ATP11A: variants seen among roughly 807,000 people sequenced by gnomAD.
ATP11A encodes the protein ATPase phospholipid transporting 11A, also known as phospholipid-transporting ATPase IH.
In ATP11A, 81 loss-of-function variants were observed where a neutral mutation model predicts 154.4. That is an observed-to-expected ratio of 0.52 (90% confidence interval 0.44 to 0.63). The LOEUF is 0.63. ATP11A is among the 30% of genes least tolerant of loss of function. The pLI is 0.00. For synonymous variants in ATP11A, 623 were observed against 585.9 expected, an observed-to-expected ratio of 1.06 and a Z score of -0.91; for missense variants, 1,316 against 1,474.3, an observed-to-expected ratio of 0.89 and a Z score of 1.76.
At chr13:112,705,192 T>C (rs1326211162) in intron 1 of ATP11A, among the ~76,000 whole-genome samples, 1 of 152,226 alleles carries the variant, frequency 6.6e-6, no homozygotes, top group Non-Finnish European at 1.5e-5. Flanking sequence ...AAAAGAAAGC[T>C]GGAGCGACTG....
chr13:112,819,823 A>G, intron 7 of ATP11A, 77 bp from the exon 8 acceptor site: 1 of 1,489,214 alleles, frequency 6.7e-7, no homozygotes. Context: ...GGCTCACAGA[A>G]GGCAGGTGGG....
chr13:112,875,881 C>G lies in ATP11A; in HGVS notation c.3267C>G (p.Pro1089=), dbSNP rs559953781. 1.2e-6 allele frequency: 2 copies of G among 1,613,798 alleles called. No individual in the cohort carries two copies. Among genetic ancestry groups the G allele is most frequent in the Non-Finnish European group, 1.7e-6 (2 of 1,180,030 alleles). The change falls in exon 28 of 30, where the codon CCC becomes CCG. Residue 1089 remains proline (P), a synonymous_variant. Coordinates refer to ENST00000375645, the MANE Select transcript of ATP11A (RefSeq NM_015205.3). The surrounding 1 kb of genome is among the most constrained non-coding windows in gnomAD (Gnocchi z 4.1). Reference sequence around the variant, plus strand: ...TGCTGGTGACCATCAGCCTCCTTCCCGACGTCCTCAAGAAAGTCCTGTGCC... The same window carrying G: ...TGCTGGTGACCATCAGCCTCCTTCCGGACGTCCTCAAGAAAGTCCTGTGCC... The part of the protein sequence containing the change: ...IVLLVTISLL[P]DVLKKVLCRQ...
intron 25 of ATP11A, among the ~76,000 whole-genome samples, chr13:112,866,653 T>TTTTTTTTTTTTTTG (rs1555342471): frequency 6.9e-6 from 1 of 144,994 alleles, no homozygotes; most frequent in Non-Finnish European, 1.5e-5. Context: ...GGGTGACTTC[T>TTTTTTTTTTTTTTG]AAACAGAAAT....
At chr13:112,742,458 G>A (rs552902815) in intron 1 of ATP11A, among the ~76,000 whole-genome samples, 1 of 152,192 alleles carries the variant, frequency 6.6e-6, no homozygotes, top group Admixed American at 6.5e-5. Context: ...TGTGTGGGGG[G>A]ACTTATGACA....
intron 1 of ATP11A, among the ~76,000 whole-genome samples, chr13:112,725,732 C>CA (rs1206241708): frequency 7.2e-5 from 11 of 152,354 alleles, no homozygotes; most frequent in Admixed American, 1.3e-4. Context: ...GTTCCTTGGA[C>CA]AGGAGAAGCT....
intron 2 of ATP11A, among the ~76,000 whole-genome samples, chr13:112,800,057 T>C (rs889345385): frequency 8.5e-5 from 13 of 152,194 alleles, no homozygotes; most frequent in Non-Finnish European, 1.9e-4. Flanking sequence ...AAATTTATAG[T>C]ATTGACTACA....
intron 25 of ATP11A, among the ~76,000 whole-genome samples, chr13:112,864,273 C>T (rs200270138): frequency 1.6e-4 from 12 of 73,256 alleles, no homozygotes; most frequent in African/African-American, 4.1e-4. Context: ...TCACCACCTG[C>T]GCAGTAATTC....
At chr13:112,797,653 A>G (rs193225456) in intron 2 of ATP11A, among the ~76,000 whole-genome samples, 6 of 152,346 alleles carry the variant, frequency 3.9e-5, no homozygotes, top group Non-Finnish European at 1.5e-5. Context: ...AAAGCCAGCA[A>G]CCCAGAATTC....
At chr13:112,768,594 G>A (rs989793409) in intron 1 of ATP11A, among the ~76,000 whole-genome samples, 7 of 152,200 alleles carry the variant, frequency 4.6e-5, no homozygotes, top group Non-Finnish European at 8.8e-5. Context: ...CCAGTGGCTC[G>A]TGACCCTCTG....
In ATP11A at chr13:112,873,543, C is replaced by A. The variant is rs368679970; in HGVS notation, c.3058-30C>A. 2.6e-5 allele frequency: 40 copies of A among 1,535,204 alleles called. 1 individual carries two copies. The South Asian group carries it at 4.2e-4, about 16-fold the overall frequency. ...ATCATTCTCACTGCTCAGATGACAC[C>A]GTTAACTGCCCTTTTTTTTTTCCTT... On this transcript the variant is annotated intron_variant, in intron 26 of 29. Coordinates refer to ENST00000375645, the MANE Select transcript of ATP11A (RefSeq NM_015205.3).
intron 17 of ATP11A, among the ~76,000 whole-genome samples, chr13:112,849,870 T>C (rs898571086): frequency 3.3e-5 from 5 of 152,234 alleles, no homozygotes; most frequent in Admixed American, 3.3e-4. Context: ...TGTTCAGTGC[T>C]ACTTTCCTCT....
chr13:112,843,772 G>A (rs28420923), intron 17 of ATP11A, among the ~76,000 whole-genome samples: 19 of 152,332 alleles, frequency 1.2e-4, no homozygotes, highest in Admixed American at 3.9e-4. Flanking sequence ...GAGCCCGTGC[G>A]TGCAGCAGCC....
intron 12 of ATP11A, among the ~76,000 whole-genome samples, chr13:112,828,404 GA>G (rs1220868730): frequency 1.4e-4 from 21 of 145,294 alleles, no homozygotes; most frequent in African/African-American, 5.1e-4. Context: ...GAGTAGGGGG[GA>G]AAGCGCCCAG....
At position 112,823,378 on chromosome 13, in the gene ATP11A, A is replaced by G; in HGVS notation, c.759A>G (p.Gly253=). Residue 253 remains glycine, a synonymous_variant, in exon 9 of 30, where the codon GGA becomes GGG. Transcript: ENST00000375645. ...GATCGGAAAACCTGCTGCTTAGAGG[A>G]GCTACACTGAAGAACACTGAGAAAA... ...PLGSENLLLR[G]ATLKNTEKIF... 6.2e-7 allele frequency: 1 copy of G among 1,613,668 alleles called. No homozygotes were observed. Among genetic ancestry groups the G allele is most frequent in the Non-Finnish European group, 8.5e-7 (1 of 1,179,644 alleles).
rs376327794 is a variant in ATP11A at position 112,851,229 on chromosome 13, C to T, written c.1991+11C>T. The T allele has an allele frequency of 1.8e-5, 29 of 1,608,450 alleles. No homozygotes were observed. Among genetic ancestry groups the T allele is most frequent in the African/African-American group, 6.7e-5 (5 of 74,772 alleles). ...AGCTGTTGAGGACCGGTAAAGTAAA[C>T]GCATGCATCCCGTCCTGAGAGACAA... On this transcript the variant is annotated intron_variant, in intron 18 of 29. Coordinates refer to ENST00000375645, the MANE Select transcript of ATP11A (RefSeq NM_015205.3).
At chr13:112,858,494 C>T in intron 22 of ATP11A, 3 of 506,578 alleles carry the variant, frequency 5.9e-6, no homozygotes, top group South Asian at 7.5e-5. Context: ...TACCTACAGT[C>T]AACCCATGCC....
intron 17 of ATP11A, among the ~76,000 whole-genome samples, chr13:112,846,246 C>T (rs1398866348): frequency 6.6e-6 from 1 of 152,116 alleles, no homozygotes; most frequent in African/African-American, 2.4e-5. Context: ...TATTTTTCTT[C>T]CTTGCTCCCT....
intron 17 of ATP11A, among the ~76,000 whole-genome samples, chr13:112,844,233 C>T (rs1318568931): frequency 1.3e-5 from 2 of 152,216 alleles, no homozygotes; most frequent in Non-Finnish European, 2.9e-5. Flanking sequence ...AAATATCTTC[C>T]ACCTGCTGGA....
intron 2 of ATP11A, among the ~76,000 whole-genome samples, chr13:112,803,076 C>A (rs533643737): frequency 6.6e-6 from 1 of 152,054 alleles, no homozygotes; most frequent in East Asian, 1.9e-4. Flanking sequence ...CTGGGGGGAG[C>A]CACTACTCTG....
Sources: allele counts gnomAD v4.1 joint callset (sites outside exome capture counted in the v4.1 genomes callset), GRCh38; gene constraint gnomAD v4.1.1; non-coding constraint Gnocchi (gnomAD v3.1); transcripts MANE v1.5; gene names NCBI Gene and HGNC (gene_info 2026-07-23, HGNC 2026-07-21).